GRIN2B: variants seen among roughly 807,000 people sequenced by gnomAD.
The protein encoded by GRIN2B is glutamate ionotropic receptor NMDA type subunit 2B.
Under a neutral mutation model 114.5 loss-of-function variants are expected in GRIN2B, and 5 were observed. The observed-to-expected ratio is 0.04, with a 90% CI of 0.02 to 0.09. GRIN2B has a LOEUF of 0.09. GRIN2B is among the 10% of genes least tolerant of loss of function. The pLI, the probability that GRIN2B is intolerant of heterozygous loss-of-function variation, is 1.00. For synonymous variants in GRIN2B, 787 were observed against 745.1 expected (o/e 1.06, Z -0.92); for missense variants, 1,108 against 1,943.5 (o/e 0.57, Z 8.08).
At chr12:13,742,116 A>G (rs1421026373) in intron 4 of GRIN2B, among the ~76,000 whole-genome samples, 1 of 152,158 alleles carries the variant, frequency 6.6e-6, no homozygotes, top group Non-Finnish European at 1.5e-5. Context: ...GCTCTTATTG[A>G]TGACTTAACA....
intron 2 of GRIN2B, among the ~76,000 whole-genome samples, chr12:13,885,600 C>A (rs1416652254): frequency 6.6e-6 from 1 of 152,172 alleles, no homozygotes; most frequent in Non-Finnish European, 1.5e-5. Flanking sequence ...TGTCACTCAA[C>A]CCAGTGCTAC....
At chr12:13,869,241 CTTTTT>C (rs377460231) in intron 2 of GRIN2B, among the ~76,000 whole-genome samples, 3 of 127,370 alleles carry the variant, frequency 2.4e-5, no homozygotes, top group Admixed American at 8.1e-5. Flanking sequence ...CTTTTTTTTT[CTTTTT>C]TTTTTTTTTT....
intron 5 of GRIN2B, among the ~76,000 whole-genome samples, chr12:13,632,648 G>A (rs975962782): frequency 2.0e-5 from 3 of 152,190 alleles, no homozygotes; most frequent in Non-Finnish European, 2.9e-5. Flanking sequence ...AGGGTGAATG[G>A]AATATAATGT....
chr12:13,831,187 GA>G (rs1424293748), intron 3 of GRIN2B, among the ~76,000 whole-genome samples: 1 of 152,194 alleles, frequency 6.6e-6, no homozygotes, highest in Non-Finnish European at 1.5e-5. Flanking sequence ...GCCCTGACTA[GA>G]AGCAAATGAT....
chr12:13,926,939 G>A lies in GRIN2B; in HGVS notation c.-19+52989C>T, dbSNP rs960374913. Among the ~76,000 whole-genome samples the A allele has an allele frequency of 2.1e-5, 3 of 146,072 alleles. No individual in the cohort carries two copies. The East Asian group carries it at 6.0e-4, about 29-fold the overall frequency. On this transcript the variant is annotated intron_variant, in intron 2 of 13. Coordinates refer to ENST00000609686, the MANE Select transcript of GRIN2B (RefSeq NM_000834.5). ...CTGCACTCCAGCCTGGGGACAGAGC[G>A]CGACTCCGTCTCAAAAAAAAGAAAA... is the stretch of plus-strand genomic sequence containing the variant.
Position 13,719,796 on chromosome 12 carries a change from C to T in GRIN2B, c.1010+33521G>A, listed in dbSNP as rs938108209. On this transcript the variant is annotated intron_variant, in intron 4 of 13. Coordinates refer to ENST00000609686, the MANE Select transcript of GRIN2B (RefSeq NM_000834.5). ...TCAGGAGGAAATTCTTTCGTTATTTCGGAGAAATGAAAGGCAATTTTTAGG... is the reference window on the plus strand; with the variant it reads ...TCAGGAGGAAATTCTTTCGTTATTTTGGAGAAATGAAAGGCAATTTTTAGG... Among the ~76,000 whole-genome samples, 7 of 152,028 alleles carry T rather than the reference C, an allele frequency of 4.6e-5. 1 individual carries two copies. Among genetic ancestry groups the T allele is most frequent in the Admixed American group, 1.3e-4 (2 of 15,236 alleles).
chr12:13,769,840 G>A (rs1316188966), intron 3 of GRIN2B, among the ~76,000 whole-genome samples: 1 of 152,176 alleles, frequency 6.6e-6, no homozygotes, highest in Non-Finnish European at 1.5e-5. Context: ...TGAAACCCTG[G>A]GATATGGTGG....
At chr12:13,588,628 C>T (rs1314514156) in intron 10 of GRIN2B, among the ~76,000 whole-genome samples, 1 of 152,170 alleles carries the variant, frequency 6.6e-6, no homozygotes, top group East Asian at 1.9e-4. Flanking sequence ...CAGGAACAGG[C>T]TTTGTCAAAT....
rs1382929274 is a variant in GRIN2B, at chr12:13,542,839, AC to A, written c.*19943del. On this transcript the variant is annotated 3_prime_UTR_variant, in exon 14 of 14. Coordinates refer to ENST00000609686, the MANE Select transcript of GRIN2B (RefSeq NM_000834.5). Reference sequence around the variant, plus strand: ...ACAGAAACCTGGCTCCTCTTTGAGGACCCTGAATCACTCCCAGGTGGTGAGC... The same window carrying A: ...ACAGAAACCTGGCTCCTCTTTGAGGACCTGAATCACTCCCAGGTGGTGAGC... 1 of 152,082 alleles carries A rather than the reference AC, an allele frequency of 6.6e-6. No homozygotes were observed. Among genetic ancestry groups the A allele is most frequent in the Non-Finnish European group, 1.5e-5 (1 of 68,054 alleles). The allele number at this position is 152,082 out of a possible 1,614,324, so 9.4% of individuals were successfully genotyped here.
intron 5 of GRIN2B, among the ~76,000 whole-genome samples, chr12:13,670,042 G>T (rs937301215): frequency 1.3e-5 from 2 of 151,840 alleles, no homozygotes; most frequent in Admixed American, 1.3e-4. Context: ...CTCTTGTGGG[G>T]GTCTCCCTTT....
intron 2 of GRIN2B, among the ~76,000 whole-genome samples, chr12:13,963,561 T>A (rs1470833204): frequency 6.6e-6 from 1 of 152,192 alleles, no homozygotes; most frequent in Non-Finnish European, 1.5e-5. Context: ...CCAGGCGCTT[T>A]ACATACTTCA....
intron 10 of GRIN2B, among the ~76,000 whole-genome samples, chr12:13,586,657 C>A (rs554674179): frequency 6.6e-6 from 1 of 152,304 alleles, no homozygotes; most frequent in African/African-American, 2.4e-5. Context: ...CAGTTGGAGA[C>A]CTCACTTACT....
chr12:13,978,720 A>G (rs996734216), intron 2 of GRIN2B, among the ~76,000 whole-genome samples: 4 of 152,214 alleles, frequency 2.6e-5, no homozygotes, highest in Non-Finnish European at 4.4e-5. Context: ...ACGCCTTCAG[A>G]GTTCAGGGAC....
chr12:13,921,395 A>G (rs75766247), intron 2 of GRIN2B, among the ~76,000 whole-genome samples: 111 of 152,304 alleles, frequency 7.3e-4, no homozygotes, highest in African/African-American at 2.5e-3. Context: ...CAGGAGCAAG[A>G]CTATATCTCA....
chr12:13,595,769 G>A (rs973073512), intron 10 of GRIN2B, among the ~76,000 whole-genome samples: 3 of 152,234 alleles, frequency 2.0e-5, no homozygotes, highest in African/African-American at 7.2e-5. Flanking sequence ...TAACGAGGCA[G>A]GTGAGAGCGC....
chr12:13,659,021 C>T (rs974825335), intron 5 of GRIN2B, among the ~76,000 whole-genome samples: 1 of 152,168 alleles, frequency 6.6e-6, no homozygotes, highest in Non-Finnish European at 1.5e-5. Context: ...TCTTCCCTCT[C>T]CTTCTGTTCT....
chr12:13,958,571 T>C (rs1018058168), intron 2 of GRIN2B, among the ~76,000 whole-genome samples: 6 of 152,222 alleles, frequency 3.9e-5, no homozygotes, highest in Admixed American at 1.3e-4. Context: ...AGGGAGGTTC[T>C]CATTAGCAGA....
intron 4 of GRIN2B, among the ~76,000 whole-genome samples, chr12:13,750,756 G>T (rs1238490886): frequency 6.6e-6 from 1 of 152,210 alleles, no homozygotes; most frequent in Admixed American, 6.5e-5. Flanking sequence ...ACTGAGTCTT[G>T]GAGGGCGTCA....
At chr12:13,902,087 C>T (rs1866461855) in intron 2 of GRIN2B, among the ~76,000 whole-genome samples, 1 of 152,022 alleles carries the variant, frequency 6.6e-6, no homozygotes, top group African/African-American at 2.4e-5. Flanking sequence ...AATGTTACAC[C>T]ATTCAGCTTT....
Sources: gnomAD v4.1 joint callset for allele counts (sites outside exome capture counted in the v4.1 genomes callset) on GRCh38, gnomAD v4.1.1 for gene constraint, MANE v1.5 for transcripts, NCBI Gene and HGNC (gene_info 2026-07-23, HGNC 2026-07-21) for gene names.